The following PLCB1 variants were observed in gnomAD, a reference collection of about 807,000 sequenced individuals.
The protein encoded by PLCB1 is 1-phosphatidylinositol 4,5-bisphosphate phosphodiesterase beta-1.
Under a neutral mutation model 161.8 loss-of-function variants are expected in PLCB1, and 46 were observed. The observed-to-expected ratio is 0.28, with a 90% CI of 0.22 to 0.36. The LOEUF (loss-of-function observed/expected upper bound fraction) is 0.36, where lower values mean the gene tolerates loss of function less well. Ranked by LOEUF, PLCB1 falls within the 10% of genes least tolerant of loss-of-function variation. The pLI is 1.00. For missense variants in PLCB1, 1,016 were observed against 1,472.5 expected (o/e 0.69, Z 5.07); for synonymous variants, 517 against 503.7 (o/e 1.03, Z -0.35).
intron 3 of PLCB1, among the ~76,000 whole-genome samples, chr20:8,548,430 T>C (rs1344867597): frequency 1.3e-5 from 2 of 149,940 alleles, no homozygotes; most frequent in African/African-American, 2.5e-5. Flanking sequence ...TCCTTCCTTT[T>C]CTTCTTTCAT....
intron 31 of PLCB1, among the ~76,000 whole-genome samples, chr20:8,790,639 G>A (rs901298567): frequency 1.3e-5 from 2 of 152,100 alleles, no homozygotes; most frequent in African/African-American, 4.8e-5. Context: ...ATGTTGTAAT[G>A]CCACCCTCTG....
chr20:8,813,609 C>T (rs1486316462), intron 31 of PLCB1, among the ~76,000 whole-genome samples: 2 of 152,116 alleles, frequency 1.3e-5, no homozygotes, highest in Non-Finnish European at 2.9e-5. Context: ...GTGGGAGGAT[C>T]ACTTGAGCCA....
intron 2 of PLCB1, among the ~76,000 whole-genome samples, chr20:8,220,009 G>C (rs1254488667): frequency 6.6e-6 from 1 of 152,098 alleles, no homozygotes; most frequent in Non-Finnish European, 1.5e-5. Context: ...CATACAATAA[G>C]AATGCAATAC....
intron 2 of PLCB1, among the ~76,000 whole-genome samples, chr20:8,229,856 C>CATAAAATAAAATAAAATAAAATAA (rs1555791648): frequency 2.9e-5 from 1 of 35,046 alleles, no homozygotes; most frequent in Non-Finnish European, 6.3e-5. Context: ...GAGCCCATCT[C>CATAAAATAAAATAAAATAAAATAA]ATAAAATAAA....
chr20:8,492,052 A>G (rs533253740), intron 3 of PLCB1, among the ~76,000 whole-genome samples: 70 of 152,210 alleles, frequency 4.6e-4, no homozygotes, highest in Middle Eastern at 3.4e-3. Flanking sequence ...ATAAATTAGT[A>G]TATATATTCT....
At chr20:8,769,048 T>C (rs1982529245) in intron 26 of PLCB1, among the ~76,000 whole-genome samples, 1 of 152,210 alleles carries the variant, frequency 6.6e-6, no homozygotes, top group Non-Finnish European at 1.5e-5. Context: ...AAAAATCTTT[T>C]CTTCAAAGTT....
chr20:8,624,695 G>A (rs892942415), intron 3 of PLCB1, among the ~76,000 whole-genome samples: 3 of 152,166 alleles, frequency 2.0e-5, no homozygotes, highest in African/African-American at 7.2e-5. Context: ...ATTAACATGA[G>A]CTTTAACAAG....
intron 26 of PLCB1, among the ~76,000 whole-genome samples, chr20:8,769,166 A>G (rs1195798571): frequency 6.6e-6 from 1 of 152,204 alleles, no homozygotes; most frequent in Non-Finnish European, 1.5e-5. Context: ...GCTGTCAAGA[A>G]TATTTTTAAT....
At chr20:8,338,041 G>T (rs1378574860) in intron 2 of PLCB1, among the ~76,000 whole-genome samples, 2 of 152,128 alleles carry the variant, frequency 1.3e-5, no homozygotes, top group Non-Finnish European at 2.9e-5. Flanking sequence ...CCAAGACTGT[G>T]GTTCTCAGGA....
At chr20:8,264,607 A>G (rs2743172) in intron 2 of PLCB1, among the ~76,000 whole-genome samples, 17,410 of 152,156 alleles carry the variant, frequency 0.11, 1,242 homozygotes, top group African/African-American at 0.19. Flanking sequence ...ACGTTATGGC[A>G]GCCATGACAT....
At chr20:8,490,861 CATATATATATATATATGT>C (rs1982914540) in intron 3 of PLCB1, among the ~76,000 whole-genome samples, 11 of 141,850 alleles carry the variant, frequency 7.8e-5, no homozygotes, top group Non-Finnish European at 6.3e-5. Context: ...TATATATAGG[CATATATATATATATATGT>C]ACACATATCT....
intron 9 of PLCB1, among the ~76,000 whole-genome samples, chr20:8,659,838 A>C (rs1056647552): frequency 6.6e-6 from 1 of 152,030 alleles, no homozygotes; most frequent in African/African-American, 2.4e-5. Context: ...TTAAAAATAC[A>C]AAAATTAGTC....
intron 2 of PLCB1, among the ~76,000 whole-genome samples, chr20:8,369,282 CCT>C: frequency 6.6e-6 from 1 of 152,288 alleles, no homozygotes; most frequent in South Asian, 2.1e-4. Context: ...CCATCTCTCT[CCT>C]CTTTCTTCCA....
intron 3 of PLCB1, among the ~76,000 whole-genome samples, chr20:8,419,727 C>A (rs1979457833): frequency 6.6e-6 from 1 of 152,078 alleles, no homozygotes; most frequent in Non-Finnish European, 1.5e-5. Flanking sequence ...CGGAACATAG[C>A]CCCAACATAA....
chr20:8,318,899 C>G (rs1245421647), intron 2 of PLCB1, among the ~76,000 whole-genome samples: 1 of 151,960 alleles, frequency 6.6e-6, no homozygotes, highest in Non-Finnish European at 1.5e-5. Flanking sequence ...GTAGTCATCC[C>G]TTCTTACTTT....
chr20:8,151,753 A>C (rs2051510908), intron 2 of PLCB1, among the ~76,000 whole-genome samples: 2 of 152,180 alleles, frequency 1.3e-5, no homozygotes, highest in Admixed American at 6.5e-5. Context: ...TATAATGCCT[A>C]GAGCATTTCT....
At chr20:8,521,982 C>T (rs1984367822) in intron 3 of PLCB1, among the ~76,000 whole-genome samples, 1 of 152,176 alleles carries the variant, frequency 6.6e-6, no homozygotes, top group African/African-American at 2.4e-5. Flanking sequence ...AGGGCCTTGA[C>T]TAAATCACTA....
At chr20:8,439,459 T>C (rs1425459889) in intron 3 of PLCB1, among the ~76,000 whole-genome samples, 1 of 152,184 alleles carries the variant, frequency 6.6e-6, no homozygotes, top group Non-Finnish European at 1.5e-5. Context: ...AAGAAAAACT[T>C]AGGTACAGAA....
chr20:8,424,685 G>A (rs928403246), intron 3 of PLCB1, among the ~76,000 whole-genome samples: 2 of 152,204 alleles, frequency 1.3e-5, no homozygotes, highest in African/African-American at 4.8e-5. Flanking sequence ...CAAATACTAT[G>A]TGTTTAGCAA....
Sources: allele counts gnomAD v4.1 joint callset (sites outside exome capture counted in the v4.1 genomes callset), GRCh38; gene constraint gnomAD v4.1.1; transcripts MANE v1.5; gene names NCBI Gene and HGNC (gene_info 2026-07-23, HGNC 2026-07-21).